Variants in LRRK1 observed in about 807,000 individuals in gnomAD.
LRRK1 encodes the protein leucine rich repeat kinase 1, also known as leucine-rich repeat serine/threonine-protein kinase 1.
A neutral mutation model predicts 209.1 loss-of-function variants in LRRK1; 113 were observed. That is an observed-to-expected ratio of 0.54 (90% CI 0.46 to 0.63). LRRK1 has a LOEUF of 0.63. LRRK1 is among the 30% of genes least tolerant of loss of function. The pLI is 0.00. For synonymous variants in LRRK1, 1,144 were observed against 1,099.7 expected, an observed-to-expected ratio of 1.04 and a Z score of -0.80; for missense variants, 2,284 against 2,632.2, an observed-to-expected ratio of 0.87 and a Z score of 2.89.
chr15:100,968,695 C>T (rs11639265), intron 2 of LRRK1, among the ~76,000 whole-genome samples: 1,712 of 76,830 alleles, frequency 0.022, 11 homozygotes, highest in East Asian at 0.13. Flanking sequence ...TCTTTCTTTC[C>T]TTCCTTCCTT....
chr15:101,068,539 G>A, intron 33 of LRRK1, 132 bp from the exon 34 acceptor site: 1 of 895,686 alleles, frequency 1.1e-6, no homozygotes, highest in Non-Finnish European at 1.7e-6. Context: ...ACACCCCAGA[G>A]AGGGCTGGCA....
intron 33 of LRRK1, 98 bp from the exon 34 acceptor site, chr15:101,068,573 A>G (rs1401037818): frequency 3.1e-6 from 4 of 1,307,788 alleles, no homozygotes; most frequent in Non-Finnish European, 4.2e-6. Context: ...CCCTGCCCTT[A>G]GCCAGCTCCG....
rs546883761 is a variant in LRRK1, at chr15:101,003,554, C to A, written c.763-5283C>A. ...CAATCATGGCAGAAGGTGAAAGACACGTCTTACATGGCAGCAGGCAAGAGA... is the reference window on the plus strand; with the variant it reads ...CAATCATGGCAGAAGGTGAAAGACAAGTCTTACATGGCAGCAGGCAAGAGA... On this transcript the variant is annotated intron_variant, in intron 6 of 33. Coordinates refer to ENST00000388948, the MANE Select transcript of LRRK1 (RefSeq NM_024652.6). Among the ~76,000 whole-genome samples, 4 of 152,284 alleles carry A rather than the reference C, an allele frequency of 2.6e-5. No individual in the cohort carries two copies. In the East Asian group the frequency reaches 7.7e-4, roughly 29 times the overall value.
intron 6 of LRRK1, among the ~76,000 whole-genome samples, chr15:101,001,680 C>T (rs1198429006): frequency 6.6e-6 from 1 of 152,184 alleles, no homozygotes; most frequent in Non-Finnish European, 1.5e-5. Flanking sequence ...GTGTATTTCC[C>T]CCCATTGTAA....
chr15:100,983,140 A>G (rs913282798), intron 3 of LRRK1, among the ~76,000 whole-genome samples: 3 of 152,220 alleles, frequency 2.0e-5, no homozygotes, highest in Admixed American at 6.5e-5. Context: ...GCACTACTGC[A>G]CTCCAGCTTG....
rs900006349 is a variant in LRRK1, at chr15:101,070,169, A to T, written c.*1321A>T. The T allele has an allele frequency of 6.6e-6, 1 of 152,202 alleles. No homozygotes were observed. The highest frequency in any genetic ancestry group is 2.4e-5 in the African/African-American group (1 of 41,438). The allele number at this position is 152,202 out of a possible 1,614,324, so 9.4% of individuals were successfully genotyped here. A position where few individuals can be genotyped will look rare whatever the true frequency, so the allele number is the denominator to read the frequency against. On this transcript the variant is annotated 3_prime_UTR_variant, in exon 34 of 34. Coordinates refer to ENST00000388948, the MANE Select transcript of LRRK1 (RefSeq NM_024652.6). ...CCACAGCACGGGCTCAGTCCCTCCC[A>T]GACCCACTCGCTGTCTGGGGATAAT...
At chr15:101,016,756 G>A (rs1262940390) in intron 12 of LRRK1, among the ~76,000 whole-genome samples, 3 of 152,152 alleles carry the variant, frequency 2.0e-5, no homozygotes, top group Middle Eastern at 3.2e-3. Flanking sequence ...CAGCAGCTAC[G>A]TGCTGTTAAG....
intron 6 of LRRK1, among the ~76,000 whole-genome samples, chr15:100,997,747 TC>T (rs1475555121): frequency 1.3e-5 from 2 of 152,206 alleles, no homozygotes; most frequent in Non-Finnish European, 2.9e-5. Context: ...AAACCTCTTT[TC>T]TCCCAGTGAA....
intron 2 of LRRK1, among the ~76,000 whole-genome samples, chr15:100,953,306 G>C (rs1486208218): frequency 6.6e-6 from 1 of 151,936 alleles, no homozygotes; most frequent in Non-Finnish European, 1.5e-5. Flanking sequence ...CCAGCTCTTG[G>C]CAACCACCAT....
At chr15:101,064,050 G>T (rs1252556686) in intron 31 of LRRK1, among the ~76,000 whole-genome samples, 1 of 152,250 alleles carries the variant, frequency 6.6e-6, no homozygotes, top group Non-Finnish European at 1.5e-5. Flanking sequence ...CCCCTCCAAG[G>T]CCGCCAGCGC....
chr15:101,020,616 C>T (rs2033738983), intron 12 of LRRK1, among the ~76,000 whole-genome samples: 1 of 152,038 alleles, frequency 6.6e-6, no homozygotes, highest in Non-Finnish European at 1.5e-5. Context: ...CCTTGTGATC[C>T]CCCTACCTCG....
intron 29 of LRRK1, 106 bp from the exon 30 acceptor site, chr15:101,061,064 TG>T: frequency 1.2e-6 from 1 of 805,110 alleles, no homozygotes; most frequent in Non-Finnish European, 2.1e-6. Context: ...CAACCCTGGG[TG>T]GGAGCAGGGG....
chr15:101,044,574 A>C (rs2034950708), intron 20 of LRRK1, among the ~76,000 whole-genome samples: 1 of 152,212 alleles, frequency 6.6e-6, no homozygotes, highest in African/African-American at 2.4e-5. Context: ...GTGGCCACTC[A>C]GGATCTCTTT....
At chr15:101,064,829 G>A (rs866325596) in intron 31 of LRRK1, 2 of 161,788 alleles carry the variant, frequency 1.2e-5, no homozygotes, top group African/African-American at 4.8e-5. Flanking sequence ...TAGTGCCACG[G>A]GGATGCTGGT....
chr15:101,065,277 C>T, intron 31 of LRRK1, 75 bp from the exon 32 acceptor site: 2 of 1,544,270 alleles, frequency 1.3e-6, no homozygotes, highest in Non-Finnish European at 1.7e-6. Context: ...GCAGATGAGT[C>T]CAGTGCCTAC....
Position 101,012,076 on chromosome 15 carries a change from T to C in LRRK1, c.1350T>C (p.Asn450=), listed in dbSNP as rs1339827793. Residue 450 remains asparagine (N), a synonymous_variant, in exon 10 of 34, where the codon AAT becomes AAC. Transcript: ENST00000388948. ...ACAAAATGGCTGTCTTTTGGAAAAA[T>C]CACCTGAAGGATGTGGATTTCTCAG... ...LPDKMAVFWK[N]HLKDVDFSEN... The C allele has an allele frequency of 1.9e-6, 3 of 1,612,788 alleles. No individual in the cohort carries two copies. The highest frequency in any genetic ancestry group is 4.5e-5 in the East Asian group (2 of 44,854).
chr15:101,062,553 T>C, intron 30 of LRRK1, 21 bp from the exon 31 acceptor site: 1 of 1,518,810 alleles, frequency 6.6e-7, no homozygotes, highest in Non-Finnish European at 9.1e-7. Context: ...GGTCTCACAG[T>C]GGACCTGTCT....
At chr15:101,037,653 C>T (rs1292468085) in intron 20 of LRRK1, among the ~76,000 whole-genome samples, 2 of 152,130 alleles carry the variant, frequency 1.3e-5, no homozygotes, top group Non-Finnish European at 2.9e-5. Flanking sequence ...GAACATATGC[C>T]ACTCACACCT....
chr15:101,052,833 ACT>A (rs2035538510), intron 24 of LRRK1, 87 bp from the exon 25 acceptor site: 3 of 1,445,328 alleles, frequency 2.1e-6, no homozygotes, highest in Admixed American at 2.3e-5. Flanking sequence ...TTGAACCATG[ACT>A]CTCGGCCGTT....
Sources: allele counts gnomAD v4.1 joint callset (sites outside exome capture counted in the v4.1 genomes callset), GRCh38; gene constraint gnomAD v4.1.1; transcripts MANE v1.5; gene names NCBI Gene and HGNC (gene_info 2026-07-23, HGNC 2026-07-21).